The following NCKAP5 variants were observed in gnomAD, a reference collection of about 807,000 sequenced individuals.
NCKAP5 encodes the protein NCK associated protein 5.
NCKAP5 carries 92 observed loss-of-function variants against 167.0 expected under a neutral mutation model. That is an observed-to-expected ratio of 0.55 (90% confidence interval 0.47 to 0.66). The LOEUF (loss-of-function observed/expected upper bound fraction) is 0.66, where lower values mean the gene tolerates loss of function less well. Among genes scored for constraint, NCKAP5 ranks in the 30% least tolerant of loss-of-function variants. The pLI, the probability that NCKAP5 is intolerant of heterozygous loss-of-function variation, is 0.00. For synonymous variants in NCKAP5, 891 were observed against 877.4 expected (o/e 1.02, Z -0.27); for missense variants, 2,378 against 2,315.0 (o/e 1.03, Z -0.56).
At chr2:133,103,817 G>A (rs1156547033) in intron 6 of NCKAP5, among the ~76,000 whole-genome samples, 2 of 152,094 alleles carry the variant, frequency 1.3e-5, no homozygotes, top group Admixed American at 6.5e-5. Context: ...TTATTATTTT[G>A]GGTGGTGATG....
At chr2:133,018,359 A>G (rs2078417060) in intron 6 of NCKAP5, among the ~76,000 whole-genome samples, 1 of 152,198 alleles carries the variant, frequency 6.6e-6, no homozygotes, top group Admixed American at 6.5e-5. Context: ...ACTGTCTACT[A>G]AGGAGTTACC....
At chr2:133,139,155 G>A (rs2082906316) in intron 5 of NCKAP5, among the ~76,000 whole-genome samples, 1 of 152,152 alleles carries the variant, frequency 6.6e-6, no homozygotes, top group African/African-American at 2.4e-5. Flanking sequence ...TCCCTCTTGT[G>A]TCTCTTCTAA....
At chr2:132,947,497 T>C (rs1459117405) in intron 8 of NCKAP5, among the ~76,000 whole-genome samples, 1 of 152,206 alleles carries the variant, frequency 6.6e-6, no homozygotes, top group Non-Finnish European at 1.5e-5. Context: ...CACAATTCCC[T>C]GCAGCTAAAG....
At chr2:133,302,976 A>G in intron 4 of NCKAP5, 61 bp downstream of exon 4, 1 of 1,153,540 alleles carries the variant, frequency 8.7e-7, no homozygotes, top group East Asian at 2.5e-5. Flanking sequence ...AATATTTTAG[A>G]TCAGCAAAGC....
At chr2:133,026,673 A>G (rs16845741) in intron 6 of NCKAP5, among the ~76,000 whole-genome samples, 6,305 of 152,178 alleles carry the variant, frequency 0.041, 414 homozygotes, top group African/African-American at 0.14. Context: ...CAGAGACTGA[A>G]CTGTTTTTGA....
chr2:133,104,892 G>A (rs972341753), intron 6 of NCKAP5, among the ~76,000 whole-genome samples: 2 of 152,304 alleles, frequency 1.3e-5, no homozygotes, highest in Middle Eastern at 3.4e-3. Flanking sequence ...TTCATTAACT[G>A]TTACTGTATT....
intron 9 of NCKAP5, among the ~76,000 whole-genome samples, chr2:132,870,117 G>A (rs1690688294): frequency 6.6e-6 from 1 of 152,098 alleles, no homozygotes; most frequent in Non-Finnish European, 1.5e-5. Context: ...TCCAGCTAAG[G>A]ACCACATGTA....
rs773875939 is a variant in NCKAP5, at chr2:132,784,524, T to C, written c.2287A>G (p.Thr763Ala). The C allele has an allele frequency of 1.3e-6, 2 of 1,568,932 alleles. No homozygotes were observed. Among genetic ancestry groups the C allele is most frequent in the Middle Eastern group, 1.7e-4 (1 of 5,804 alleles). ...RVSTESFSSRTVTQNPQQQKL... is the reference protein window; with the variant it reads ...RVSTESFSSRAVTQNPQQQKL... ...TGCTGCTGAGGATTTTGTGTCACTG[T>C]CCTGGAGCTGAAAGATTCAGTGGAC... The change falls in exon 14 of 20, where the codon ACA becomes GCA. Residue 763 changes from threonine (T) to alanine (A), a missense_variant. Thr to Ala is a moderately conservative substitution (Grantham distance 58, BLOSUM62 0). Coordinates refer to ENST00000409261, the MANE Select transcript of NCKAP5 (RefSeq NM_207363.3).
intron 3 of NCKAP5, among the ~76,000 whole-genome samples, chr2:133,487,187 T>G (rs1680983578): frequency 6.6e-6 from 1 of 152,182 alleles, no homozygotes; most frequent in African/African-American, 2.4e-5. Context: ...TATTCAACAT[T>G]CGTGTGCCTT....
intron 2 of NCKAP5, among the ~76,000 whole-genome samples, chr2:133,551,125 C>T (rs978637339): frequency 1.4e-4 from 21 of 152,020 alleles, no homozygotes; most frequent in Admixed American, 3.9e-4. Context: ...ACATTCCATG[C>T]TCATGGGTAG....
At chr2:132,984,189 A>T (rs905042947) in intron 7 of NCKAP5, among the ~76,000 whole-genome samples, 1 of 152,186 alleles carries the variant, frequency 6.6e-6, no homozygotes, top group African/African-American at 2.4e-5. Flanking sequence ...ACTCACAATC[A>T]TAGCAATGGT....
chr2:132,693,161 A>T (rs1436896515), intron 19 of NCKAP5, among the ~76,000 whole-genome samples: 1 of 152,140 alleles, frequency 6.6e-6, no homozygotes, highest in Non-Finnish European at 1.5e-5. Flanking sequence ...CTATCCTTCC[A>T]TCTTCTGCTT....
chr2:133,013,765 CT>C (rs142989646), intron 6 of NCKAP5, among the ~76,000 whole-genome samples: 1 of 152,042 alleles, frequency 6.6e-6, no homozygotes, highest in Non-Finnish European at 1.5e-5. Context: ...TCCTTGAACC[CT>C]TTTTTTGTGT....
intron 3 of NCKAP5, among the ~76,000 whole-genome samples, chr2:133,409,683 G>A (rs1270829716): frequency 6.6e-6 from 1 of 152,186 alleles, no homozygotes. Context: ...ATCAAGGGAT[G>A]TGTGTGCATG....
At chr2:132,816,884 C>A (rs1370393637) in intron 11 of NCKAP5, among the ~76,000 whole-genome samples, 2 of 152,160 alleles carry the variant, frequency 1.3e-5, no homozygotes, top group Non-Finnish European at 1.5e-5. Flanking sequence ...GTTTCCTTTG[C>A]CATAGCACTA....
chr2:132,728,322 A>T (rs182316935), intron 18 of NCKAP5, among the ~76,000 whole-genome samples: 1 of 152,096 alleles, frequency 6.6e-6, no homozygotes, highest in African/African-American at 2.4e-5. Flanking sequence ...CAGATGAAGA[A>T]CCCACTGCAA....
chr2:133,438,551 T>G (rs1690641964), intron 3 of NCKAP5, among the ~76,000 whole-genome samples: 1 of 152,196 alleles, frequency 6.6e-6, no homozygotes, highest in African/African-American at 2.4e-5. Context: ...AGATATTTCA[T>G]TTTTGGTAAA....
At chr2:133,567,927 G>T (rs562840276) in intron 1 of NCKAP5, among the ~76,000 whole-genome samples, 6 of 152,162 alleles carry the variant, frequency 3.9e-5, no homozygotes, top group African/African-American at 1.4e-4. Context: ...CAAAACAAAT[G>T]AAAAACCAAA....
the NCKAP5 span, among the ~76,000 whole-genome samples, chr2:133,617,657 T>C: frequency 6.7e-5 from 10 of 149,224 alleles, no homozygotes; most frequent in South Asian, 8.7e-4. Flanking sequence ...TAAAAGAGGA[T>C]ACAAACAAAT....
Sources: gnomAD v4.1 joint callset for allele counts (sites outside exome capture counted in the v4.1 genomes callset) on GRCh38, gnomAD v4.1.1 for gene constraint, MANE v1.5 for transcripts, NCBI Gene and HGNC (gene_info 2026-07-23, HGNC 2026-07-21) for gene names.